The following ITGAV variants were observed in gnomAD, a reference collection of about 807,000 sequenced individuals.
ITGAV encodes the protein integrin alpha-V.
In ITGAV, 76 loss-of-function variants were observed where a neutral mutation model predicts 143.8. That is an observed-to-expected ratio of 0.53 (90% CI 0.44 to 0.64). ITGAV has a LOEUF of 0.64. Among genes scored for constraint, ITGAV ranks in the 30% least tolerant of loss-of-function variants. The probability of loss-of-function intolerance (pLI) is 0.00; values close to 1 mark genes in which losing one functional copy is unlikely to be tolerated. For missense variants in ITGAV, 1,193 were observed against 1,274.7 expected (o/e 0.94, Z 0.98); for synonymous variants, 453 against 446.7 (o/e 1.01, Z -0.18).
rs200453005 is a variant in ITGAV at position 186,679,601 on chromosome 2, C to G, written c.*2309C>G. On this transcript the variant is annotated 3_prime_UTR_variant, in exon 30 of 30. Transcript: ENST00000261023. ...TTTGTGATTTATTGAGAATAAAAATCCATTTTGAAATGTAAAATTTTTATG... is the reference window on the plus strand; with the variant it reads ...TTTGTGATTTATTGAGAATAAAAATGCATTTTGAAATGTAAAATTTTTATG... The G allele has an allele frequency of 6.6e-6, 1 of 151,472 alleles. No individual in the cohort carries two copies. Among genetic ancestry groups the G allele is most frequent in the Non-Finnish European group, 1.5e-5 (1 of 67,776 alleles). The allele number at this position is 151,472 out of a possible 1,614,324, so 9.4% of individuals were successfully genotyped here.
At chr2:186,623,342 C>A (rs772434722) in intron 3 of ITGAV, among the ~76,000 whole-genome samples, 3 of 152,072 alleles carry the variant, frequency 2.0e-5, no homozygotes, top group Admixed American at 6.6e-5. Flanking sequence ...TCAGAATGGT[C>A]AACATCCCTT....
intron 24 of ITGAV, among the ~76,000 whole-genome samples, chr2:186,668,185 C>CATATATGTATATATATATATAT (rs1553505647): frequency 5.2e-5 from 1 of 19,076 alleles, no homozygotes; most frequent in Non-Finnish European, 8.7e-5. Flanking sequence ...TACATACATA[C>CATATATGTATATATATATATAT]ATATATATAT....
intron 1 of ITGAV, among the ~76,000 whole-genome samples, chr2:186,596,431 T>A (rs959260988): frequency 5.9e-5 from 9 of 152,092 alleles, no homozygotes; most frequent in Non-Finnish European, 1.2e-4. Flanking sequence ...TTATTAACTT[T>A]GTTTTTTGTA....
At chr2:186,656,109 A>T in intron 16 of ITGAV, 138 bp from the exon 17 acceptor site, 2 of 523,350 alleles carry the variant, frequency 3.8e-6, no homozygotes, top group Non-Finnish European at 6.7e-6. Context: ...TCTCATTACA[A>T]TGTAATGACA....
intron 1 of ITGAV, among the ~76,000 whole-genome samples, chr2:186,596,866 C>G (rs1385698380): frequency 1.3e-5 from 2 of 152,180 alleles, no homozygotes; most frequent in Non-Finnish European, 2.9e-5. Context: ...CTTTAAAAAA[C>G]TTAAATATCT....
intron 12 of ITGAV, among the ~76,000 whole-genome samples, chr2:186,643,450 A>G (rs1688163312): frequency 2.6e-5 from 4 of 152,198 alleles, no homozygotes. Flanking sequence ...GTATTTATGT[A>G]TAGTATTTAG....
intron 26 of ITGAV, among the ~76,000 whole-genome samples, chr2:186,671,889 G>A (rs1449608385): frequency 2.0e-5 from 3 of 150,330 alleles, no homozygotes; most frequent in Non-Finnish European, 4.4e-5. Context: ...TTTGTGTCTA[G>A]CCTTCTTTCA....
At chr2:186,649,741 T>A (rs999094835) in intron 13 of ITGAV, 99 bp from the exon 14 acceptor site, 7 of 766,630 alleles carry the variant, frequency 9.1e-6, no homozygotes, top group African/African-American at 1.8e-5. Flanking sequence ...TTTGAGAATT[T>A]GTTCAAACCT....
intron 4 of ITGAV, among the ~76,000 whole-genome samples, chr2:186,630,259 AG>A (rs1400434210): frequency 6.6e-6 from 1 of 152,020 alleles, no homozygotes; most frequent in Non-Finnish European, 1.5e-5. Context: ...TTAGGGTAAT[AG>A]GAAGACAGAG....
intron 29 of ITGAV, 67 bp downstream of exon 29, chr2:186,677,002 A>G (rs947137537): frequency 5.2e-6 from 8 of 1,534,024 alleles, no homozygotes; most frequent in African/African-American, 2.7e-5. Flanking sequence ...AAGAAGGAAA[A>G]GAAGAATGAA....
intron 2 of ITGAV, among the ~76,000 whole-genome samples, chr2:186,605,243 A>C (rs1284181466): frequency 6.6e-6 from 1 of 152,170 alleles, no homozygotes; most frequent in African/African-American, 2.4e-5. Flanking sequence ...AGGGGATTAA[A>C]ACAATGAGCT....
intron 4 of ITGAV, among the ~76,000 whole-genome samples, chr2:186,627,237 T>C (rs1477221933): frequency 6.6e-6 from 1 of 152,196 alleles, no homozygotes; most frequent in African/African-American, 2.4e-5. Flanking sequence ...GTAGCTGCTA[T>C]GACCTACTTT....
At chr2:186,630,936 T>A (rs1477116109) in intron 5 of ITGAV, 78 bp downstream of exon 5, 1 of 702,988 alleles carries the variant, frequency 1.4e-6, no homozygotes, top group Non-Finnish European at 2.5e-6. Flanking sequence ...AACTGGTCAA[T>A]ACCTCAACTC....
chr2:186,600,852 A>C (rs1686882983), intron 1 of ITGAV, among the ~76,000 whole-genome samples: 1 of 152,004 alleles, frequency 6.6e-6, no homozygotes, highest in African/African-American at 2.4e-5. Context: ...ACAGTTACTC[A>C]GGAGACTGAG....
At position 186,636,133 on chromosome 2, in the gene ITGAV, A is replaced by G. The variant is rs200674397; in HGVS notation, c.683A>G (p.Asn228Ser). ...VAEIVSKYDP[N>S]VYSIKYNNQL... ...GAAATCGTATCTAAATACGACCCCAATGTTTACAGCATCAAGTATAATAAC... is the reference window on the plus strand; with the variant it reads ...GAAATCGTATCTAAATACGACCCCAGTGTTTACAGCATCAAGTATAATAAC... Residue 228 changes from asparagine (N) to serine (S), a missense_variant, in exon 7 of 30, where the codon AAT becomes AGT. Transcript: ENST00000261023. 50 of 1,613,238 alleles carry G rather than the reference A, an allele frequency of 3.1e-5. No homozygotes were observed. The highest frequency in any genetic ancestry group is 3.6e-5 in the Non-Finnish European group (43 of 1,179,580).
intron 1 of ITGAV, chr2:186,600,452 A>G (rs1016869826): frequency 1.2e-5 from 18 of 1,530,434 alleles, no homozygotes; most frequent in East Asian, 2.5e-5. Context: ...TTCTTTAAAG[A>G]TGATTTCCTT....
chr2:186,664,742 A>G, intron 20 of ITGAV, 101 bp downstream of exon 20: 2 of 1,404,316 alleles, frequency 1.4e-6, no homozygotes, highest in Non-Finnish European at 2.0e-6. Flanking sequence ...TAGCTATTCT[A>G]CCTAAGGCTA....
chr2:186,595,601 C>G, intron 1 of ITGAV, among the ~76,000 whole-genome samples: 1 of 151,820 alleles, frequency 6.6e-6, no homozygotes, highest in Non-Finnish European at 1.5e-5. Context: ...CAAACTCAAT[C>G]CTTTATATTT....
chr2:186,646,956 A>G (rs1419818318), intron 13 of ITGAV, 79 bp downstream of exon 13: 29 of 960,186 alleles, frequency 3.0e-5, no homozygotes, highest in Non-Finnish European at 3.9e-5. Context: ...TTCTTGATTT[A>G]TGTTATAAAT....
Sources: allele counts gnomAD v4.1 joint callset (sites outside exome capture counted in the v4.1 genomes callset), GRCh38; gene constraint gnomAD v4.1.1; transcripts MANE v1.5; gene names NCBI Gene and HGNC (gene_info 2026-07-23, HGNC 2026-07-21).